The following MYRIP variants were observed in gnomAD, a reference collection of about 807,000 sequenced individuals.
MYRIP encodes rab effector MyRIP.
Under a neutral mutation model 98.0 loss-of-function variants are expected in MYRIP, and 49 were observed. The observed-to-expected ratio is 0.50, with a 90% CI of 0.40 to 0.63. MYRIP has a LOEUF of 0.63. Among genes scored for constraint, MYRIP ranks in the 30% least tolerant of loss-of-function variants. The probability of loss-of-function intolerance (pLI) is 0.00; values close to 1 mark genes in which losing one functional copy is unlikely to be tolerated. For synonymous variants in MYRIP, 404 were observed against 409.5 expected, an observed-to-expected ratio of 0.99 and a Z score of 0.16; for missense variants, 1,004 against 1,058.2, an observed-to-expected ratio of 0.95 and a Z score of 0.71.
intron 1 of MYRIP, among the ~76,000 whole-genome samples, chr3:39,894,975 T>C (rs1408864363): frequency 1.3e-5 from 2 of 152,186 alleles, no homozygotes; most frequent in Admixed American, 1.3e-4. Context: ...AAATGAAAAA[T>C]TGCAACTTAG....
At chr3:40,245,432 A>G (rs947966355) in intron 13 of MYRIP, among the ~76,000 whole-genome samples, 3 of 151,884 alleles carry the variant, frequency 2.0e-5, no homozygotes, top group Non-Finnish European at 4.4e-5. Context: ...GGTGGATCAC[A>G]GGTCAGGAGA....
At chr3:40,137,105 T>G (rs1486749427) in intron 3 of MYRIP, among the ~76,000 whole-genome samples, 1 of 152,158 alleles carries the variant, frequency 6.6e-6, no homozygotes, top group Non-Finnish European at 1.5e-5. Flanking sequence ...GCTGGTTTTT[T>G]GAAAAGATCA....
At chr3:40,045,971 G>GA (rs941245935) in intron 3 of MYRIP, among the ~76,000 whole-genome samples, 1 of 152,000 alleles carries the variant, frequency 6.6e-6, no homozygotes, top group Admixed American at 6.6e-5. Flanking sequence ...GAGAAAATTG[G>GA]AAAAAATGAA....
intron 3 of MYRIP, among the ~76,000 whole-genome samples, chr3:40,062,104 A>T (rs574951881): frequency 6.6e-6 from 1 of 152,250 alleles, no homozygotes; most frequent in East Asian, 1.9e-4. Flanking sequence ...GTTGAATTAG[A>T]TCCCATTTGT....
intron 11 of MYRIP, among the ~76,000 whole-genome samples, chr3:40,221,133 T>A (rs1952325903): frequency 6.6e-6 from 1 of 152,060 alleles, no homozygotes; most frequent in Admixed American, 6.6e-5. Context: ...ACAATTTTTA[T>A]TTAATATAAC....
chr3:40,192,500 T>C (rs1447833265), intron 10 of MYRIP, among the ~76,000 whole-genome samples: 2 of 151,834 alleles, frequency 1.3e-5, no homozygotes, highest in African/African-American at 4.8e-5. Flanking sequence ...TGCAAGTGCA[T>C]TTGGTGTGAA....
chr3:39,873,319 C>A (rs1013313032), intron 1 of MYRIP, among the ~76,000 whole-genome samples: 67 of 152,174 alleles, frequency 4.4e-4, no homozygotes, highest in African/African-American at 1.6e-3. Flanking sequence ...GTTTCTTTTG[C>A]TGTGCAGAAG....
intron 2 of MYRIP, among the ~76,000 whole-genome samples, chr3:39,936,630 C>A (rs889150680): frequency 6.6e-6 from 1 of 152,134 alleles, no homozygotes; most frequent in African/African-American, 2.4e-5. Context: ...GACACTGTCA[C>A]AGAAAGAATC....
intron 2 of MYRIP, among the ~76,000 whole-genome samples, chr3:39,985,071 G>T (rs1288734200): frequency 9.4e-6 from 1 of 106,440 alleles, no homozygotes; most frequent in African/African-American, 5.2e-5. Context: ...TTTTGATGGG[G>T]TTTTGTTTTT....
intron 1 of MYRIP, among the ~76,000 whole-genome samples, chr3:39,882,212 A>G (rs1943172379): frequency 6.6e-6 from 1 of 151,986 alleles, no homozygotes; most frequent in African/African-American, 2.4e-5. Context: ...TATGATCATG[A>G]AAGGTGGAAG....
intron 2 of MYRIP, among the ~76,000 whole-genome samples, chr3:39,935,976 A>C (rs1332036990): frequency 6.6e-6 from 1 of 152,228 alleles, no homozygotes; most frequent in Non-Finnish European, 1.5e-5. Context: ...TTCAGAAACA[A>C]AATAAGTCCT....
chr3:39,937,582 G>A (rs1271366939), intron 2 of MYRIP, among the ~76,000 whole-genome samples: 1 of 152,136 alleles, frequency 6.6e-6, no homozygotes, highest in Non-Finnish European at 1.5e-5. Flanking sequence ...GCCTTTGTTT[G>A]GGCTTGGCCT....
At chr3:40,133,323 C>T (rs1016858920) in intron 3 of MYRIP, among the ~76,000 whole-genome samples, 4 of 152,200 alleles carry the variant, frequency 2.6e-5, no homozygotes, top group African/African-American at 9.7e-5. Flanking sequence ...ATGCTGTAAT[C>T]ATGTTCCATT....
Position 39,843,769 on chromosome 3 carries a change from A to G in MYRIP, c.-31+33853A>G, listed in dbSNP as rs543809738. On this transcript the variant is annotated intron_variant, in intron 1 of 16. Coordinates refer to ENST00000302541, the MANE Select transcript of MYRIP (RefSeq NM_015460.4). ...TGCCCCCTCTGTATCAGGAAGGGGT[A>G]TAGTGTAATCACTCTGCCACCATGT... is the stretch of plus-strand genomic sequence containing the variant. Among the ~76,000 whole-genome samples, 7 of 152,320 alleles carry G rather than the reference A, an allele frequency of 4.6e-5. No individual in the cohort carries two copies. In the South Asian group the frequency reaches 1.4e-3, roughly 32 times the overall value.
At chr3:40,123,041 T>C (rs1306115302) in intron 3 of MYRIP, among the ~76,000 whole-genome samples, 1 of 152,208 alleles carries the variant, frequency 6.6e-6, no homozygotes. Context: ...AGAAAGTTTA[T>C]TTTGTATGAA....
intron 3 of MYRIP, among the ~76,000 whole-genome samples, chr3:40,049,644 G>A (rs1188149733): frequency 6.6e-6 from 1 of 151,548 alleles, no homozygotes; most frequent in Admixed American, 6.6e-5. Flanking sequence ...AAAAAAAAAA[G>A]GGAAAAGTTA....
At chr3:39,998,967 T>C (rs1339295535) in intron 2 of MYRIP, among the ~76,000 whole-genome samples, 2 of 152,226 alleles carry the variant, frequency 1.3e-5, no homozygotes, top group Non-Finnish European at 2.9e-5. Flanking sequence ...GAAAACTGGC[T>C]AGCCACATGT....
At chr3:39,926,343 G>T (rs575751258) in intron 2 of MYRIP, among the ~76,000 whole-genome samples, 1 of 151,946 alleles carries the variant, frequency 6.6e-6, no homozygotes, top group South Asian at 2.1e-4. Flanking sequence ...GTTTAATTAG[G>T]TTCTACTTGT....
intron 3 of MYRIP, among the ~76,000 whole-genome samples, chr3:40,110,342 C>A (rs1949133512): frequency 6.6e-6 from 1 of 152,206 alleles, no homozygotes; most frequent in African/African-American, 2.4e-5. Flanking sequence ...AAAAAAAGGC[C>A]TTTCCAGTCT....
Sources: gnomAD v4.1 joint callset for allele counts (sites outside exome capture counted in the v4.1 genomes callset) on GRCh38, gnomAD v4.1.1 for gene constraint, MANE v1.5 for transcripts, NCBI Gene and HGNC (gene_info 2026-07-23, HGNC 2026-07-21) for gene names.